Variants in RBFOX3 observed in about 807,000 individuals in gnomAD.
RBFOX3 encodes the protein RNA binding protein fox-1 homolog 3.
A neutral mutation model predicts 48.7 loss-of-function variants in RBFOX3; 17 were observed. That is an observed-to-expected ratio of 0.35 (90% CI 0.24 to 0.52). The LOEUF is 0.52. Ranked by LOEUF, RBFOX3 falls within the 20% of genes least tolerant of loss-of-function variation. The pLI, the probability that RBFOX3 is intolerant of heterozygous loss-of-function variation, is 0.94. For synonymous variants in RBFOX3, 212 were observed against 209.5 expected, an observed-to-expected ratio of 1.01 and a Z score of -0.10; for missense variants, 382 against 497.5, an observed-to-expected ratio of 0.77 and a Z score of 2.21.
chr17:79,439,734 G>A (rs189199197), intron 2 of RBFOX3, among the ~76,000 whole-genome samples: 37 of 152,272 alleles, frequency 2.4e-4, no homozygotes, highest in Admixed American at 2.2e-3. Flanking sequence ...ACCACACACC[G>A]TGCATATGCA....
At chr17:79,277,338 A>G (rs1323694432) in intron 3 of RBFOX3, among the ~76,000 whole-genome samples, 2 of 151,686 alleles carry the variant, frequency 1.3e-5, no homozygotes, top group African/African-American at 4.8e-5. Flanking sequence ...GGTACCTTAT[A>G]CTGTAAATAC....
chr17:79,431,929 C>T (rs2068535955), intron 2 of RBFOX3, among the ~76,000 whole-genome samples: 1 of 152,230 alleles, frequency 6.6e-6, no homozygotes, highest in African/African-American at 2.4e-5. Flanking sequence ...AACTGAAATT[C>T]TGTCCTCATT....
intron 1 of RBFOX3, among the ~76,000 whole-genome samples, chr17:79,485,835 C>T (rs963501296): frequency 1.3e-5 from 2 of 152,208 alleles, no homozygotes; most frequent in African/African-American, 4.8e-5. Context: ...TAGGCGAAGG[C>T]GCTGCATCCT....
At chr17:79,343,465 C>G (rs1377296740) in intron 2 of RBFOX3, among the ~76,000 whole-genome samples, 1 of 151,956 alleles carries the variant, frequency 6.6e-6, no homozygotes, top group African/African-American at 2.4e-5. Context: ...TGCAGTGAGC[C>G]GAGATTGCAC....
chr17:79,127,316 G>A (rs925556251), intron 4 of RBFOX3, among the ~76,000 whole-genome samples: 2 of 152,126 alleles, frequency 1.3e-5, no homozygotes, highest in Non-Finnish European at 2.9e-5. Flanking sequence ...TAGTTTCCAC[G>A]AGCCAGAGGA....
intron 1 of RBFOX3, among the ~76,000 whole-genome samples, chr17:79,581,126 T>C (rs2093044255): frequency 6.6e-6 from 1 of 152,146 alleles, no homozygotes; most frequent in South Asian, 2.1e-4. Flanking sequence ...CGGGCGCCTG[T>C]AGTCCCAGCT....
chr17:79,097,168 GATC>G (rs2075454785), intron 11 of RBFOX3, 121 bp downstream of exon 11: 3 of 846,082 alleles, frequency 3.5e-6, no homozygotes, highest in Non-Finnish European at 5.3e-6. Flanking sequence ...GGGCTCCCAC[GATC>G]CTCCCCCCCC....
chr17:79,453,683 G>A (rs1220599648), intron 2 of RBFOX3, among the ~76,000 whole-genome samples: 5 of 151,518 alleles, frequency 3.3e-5, no homozygotes, highest in Non-Finnish European at 7.4e-5. Context: ...GTGTAGATGT[G>A]TGTGCAGTGT....
intron 2 of RBFOX3, among the ~76,000 whole-genome samples, chr17:79,312,551 C>T (rs2076998841): frequency 6.6e-6 from 1 of 152,016 alleles, no homozygotes; most frequent in African/African-American, 2.4e-5. Flanking sequence ...CCAGGGTCCC[C>T]AAGGTGGGGG....
At chr17:79,200,078 A>G (rs534888190) in intron 4 of RBFOX3, among the ~76,000 whole-genome samples, 360 of 149,934 alleles carry the variant, frequency 2.4e-3, no homozygotes, top group Non-Finnish European at 4.6e-3. Flanking sequence ...CAGGAGAATC[A>G]CTTGAACCCG....
intron 8 of RBFOX3, among the ~76,000 whole-genome samples, chr17:79,101,990 T>TG (rs2076530422): frequency 6.6e-6 from 1 of 152,178 alleles, no homozygotes; most frequent in Non-Finnish European, 1.5e-5. Flanking sequence ...GCTAAGAGGC[T>TG]GGACTCCAGG....
intron 2 of RBFOX3, among the ~76,000 whole-genome samples, chr17:79,350,000 T>C (rs956029627): frequency 2.0e-5 from 3 of 152,176 alleles, no homozygotes; most frequent in Non-Finnish European, 4.4e-5. Flanking sequence ...ACATCGTCCA[T>C]GCCACCAAAG....
In RBFOX3 at chr17:79,535,810, T is replaced by TG. The variant is rs1555788586; in HGVS notation, c.-319-53213dup. Among the ~76,000 whole-genome samples, 1 of 152,070 alleles carries TG rather than the reference T, an allele frequency of 6.6e-6. No homozygotes were observed. The highest frequency in any genetic ancestry group is 2.4e-5 in the African/African-American group (1 of 41,396). ...CTGCCACTTACTCCAAGGAACAGGGTGGGAAGAGTCCACACGGAGAGGGGC... is the reference window on the plus strand; with the variant it reads ...CTGCCACTTACTCCAAGGAACAGGGTGGGGAAGAGTCCACACGGAGAGGGGC... On this transcript the variant is annotated intron_variant, in intron 1 of 14. Coordinates refer to ENST00000693108, the MANE Select transcript of RBFOX3 (RefSeq NM_001350451.2). This position sits in a 1 kb window ranked among gnomAD's most constrained non-coding sequence, Gnocchi z 4.5.
intron 2 of RBFOX3, among the ~76,000 whole-genome samples, chr17:79,384,342 A>G (rs1183514997): frequency 1.3e-5 from 2 of 152,154 alleles, no homozygotes; most frequent in Non-Finnish European, 2.9e-5. Context: ...GTCCACCCAC[A>G]GGACATCTGG....
chr17:79,398,133 TC>T (rs1301770495), intron 2 of RBFOX3, among the ~76,000 whole-genome samples: 1 of 151,952 alleles, frequency 6.6e-6, no homozygotes, highest in Non-Finnish European at 1.5e-5. Flanking sequence ...TAGAGCCCAA[TC>T]TAGTGCTTTG....
Position 79,111,687 on chromosome 17 carries a change from C to A in RBFOX3, c.222+3807G>T, listed in dbSNP as rs775650287. 2.4e-4 allele frequency among the ~76,000 whole-genome samples: 37 copies of A among 152,248 alleles called. No homozygotes were observed. The highest frequency in any genetic ancestry group is 5.0e-4 in the Non-Finnish European group (34 of 68,046). On this transcript the variant is annotated intron_variant, in intron 5 of 14. Coordinates refer to ENST00000693108, the MANE Select transcript of RBFOX3 (RefSeq NM_001350451.2). The surrounding 1 kb of genome is among the most constrained non-coding windows in gnomAD (Gnocchi z 4.2). ...TGACTTCGTGATCCACCTGCCTCGG[C>A]CTCCCGAAGTGCTGGGGTGACAGGC...
rs778084728 is a variant in RBFOX3 at position 79,212,405 on chromosome 17, G to A, written c.-34+23361C>T. ...TGCTCCTTCCTTCCCTCCTGCAGCC[G>A]GGCTCCTGGCGCTGCCCGTTCCCAA... On this transcript the variant is annotated intron_variant, in intron 4 of 14. Transcript: ENST00000693108. This position sits in a 1 kb window ranked among gnomAD's most constrained non-coding sequence, Gnocchi z 4.7. Among the ~76,000 whole-genome samples the A allele has an allele frequency of 7.9e-5, 12 of 152,072 alleles. No homozygotes were observed. The highest frequency in any genetic ancestry group is 1.6e-4 in the Non-Finnish European group (11 of 67,958).
At chr17:79,586,838 C>G (rs1040641319) in intron 1 of RBFOX3, among the ~76,000 whole-genome samples, 3 of 152,164 alleles carry the variant, frequency 2.0e-5, no homozygotes, top group Non-Finnish European at 2.9e-5. Flanking sequence ...GCAGCCAGGG[C>G]ATTTGATTGC....
rs181724728 is a variant in RBFOX3, at chr17:79,357,575, G to A, written c.-174-49751C>T. On this transcript the variant is annotated intron_variant, in intron 2 of 14. Coordinates refer to ENST00000693108, the MANE Select transcript of RBFOX3 (RefSeq NM_001350451.2). ...GAACCCAGGAGGTGGAGGTTGCAGT[G>A]AGCCGAGATTGCACCACTGCACTCC... is the stretch of plus-strand genomic sequence containing the variant. Among the ~76,000 whole-genome samples, 166 of 152,268 alleles carry A rather than the reference G, an allele frequency of 1.1e-3. 1 individual carries two copies. The highest frequency in any genetic ancestry group is 3.8e-3 in the African/African-American group (159 of 41,532).
Sources: gnomAD v4.1 joint callset for allele counts (sites outside exome capture counted in the v4.1 genomes callset) on GRCh38, gnomAD v4.1.1 for gene constraint, Gnocchi (gnomAD v3.1) non-coding constraint, MANE v1.5 for transcripts, NCBI Gene and HGNC (gene_info 2026-07-23, HGNC 2026-07-21) for gene names.